The following XRN2 variants were observed in gnomAD, a reference collection of about 807,000 sequenced individuals.
XRN2 encodes the protein 5'-3' exoribonuclease 2, also known as DHM1-like protein.
A neutral mutation model predicts 138.5 loss-of-function variants in XRN2; 44 were observed. That is an observed-to-expected ratio of 0.32 (90% CI 0.25 to 0.41). The LOEUF is 0.41. Ranked by LOEUF, XRN2 falls within the 10% of genes least tolerant of loss-of-function variation. The pLI is 1.00. For missense variants in XRN2, 937 were observed against 1,169.3 expected, an observed-to-expected ratio of 0.80 and a Z score of 2.90; for synonymous variants, 354 against 369.4, an observed-to-expected ratio of 0.96 and a Z score of 0.48.
At chr20:21,387,045 A>G in intron 29 of XRN2, 39 bp downstream of exon 29, 5 of 1,573,202 alleles carry the variant, frequency 3.2e-6, no homozygotes, top group East Asian at 4.6e-5. Context: ...TGCTCACTTT[A>G]TATTTCAACA....
At chr20:21,366,323 A>G (rs897166567) in intron 26 of XRN2, among the ~76,000 whole-genome samples, 15 of 148,110 alleles carry the variant, frequency 1.0e-4, no homozygotes, top group African/African-American at 3.7e-4. Flanking sequence ...TGAGGCAGGC[A>G]GATCATGAGA....
At chr20:21,312,455 T>A (rs2037894990) in intron 1 of XRN2, among the ~76,000 whole-genome samples, 1 of 152,308 alleles carries the variant, frequency 6.6e-6, no homozygotes, top group African/African-American at 2.4e-5. Context: ...AACTCTTTAC[T>A]GATTCAGTCA....
At chr20:21,374,466 A>T (rs1451244269) in intron 27 of XRN2, among the ~76,000 whole-genome samples, 2 of 152,122 alleles carry the variant, frequency 1.3e-5, no homozygotes, top group Non-Finnish European at 1.5e-5. Context: ...TTCTGTGTAG[A>T]TAACCTTTAT....
intron 1 of XRN2, 32 bp from the exon 2 acceptor site, chr20:21,326,243 ACAAT>A: frequency 6.3e-7 from 1 of 1,599,958 alleles, no homozygotes; most frequent in South Asian, 1.1e-5. Flanking sequence ...TTAGACTTGA[ACAAT>A]CAAACTACTA....
At chr20:21,331,946 CA>C (rs1186868656) in intron 8 of XRN2, 128 bp downstream of exon 8, 4 of 996,572 alleles carry the variant, frequency 4.0e-6, no homozygotes, top group Non-Finnish European at 6.1e-6. Context: ...TTATGTTCGA[CA>C]GGGAACTAGT....
At chr20:21,347,307 G>A (rs1327346759) in intron 17 of XRN2, among the ~76,000 whole-genome samples, 4 of 152,186 alleles carry the variant, frequency 2.6e-5, no homozygotes, top group African/African-American at 9.6e-5. Flanking sequence ...CATTCTAATT[G>A]GAATAACCTG....
chr20:21,377,257 G>GTTTTTTTTTTTTTTTTTTTT (rs1166479171), intron 27 of XRN2, among the ~76,000 whole-genome samples: 8 of 30,318 alleles, frequency 2.6e-4, no homozygotes, highest in African/African-American at 1.1e-3. Flanking sequence ...TGATTTGTCG[G>GTTTTTTTTTTTTTTTTTTTT]TTTTTTCTTT....
In XRN2 at chr20:21,312,652, C is replaced by T. The variant is rs113910692; in HGVS notation, c.75+9179C>T. 5.8e-4 allele frequency among the ~76,000 whole-genome samples: 86 copies of T among 148,744 alleles called. 1 individual carries two copies. Among genetic ancestry groups the T allele is most frequent in the African/African-American group, 2.0e-3 (79 of 39,906 alleles). ...GAAGACAGAGTCTTGCTCTGTTGCC[C>T]AGGCTGGAGTGCAGTGGTGCAATCT... On this transcript the variant is annotated intron_variant, in intron 1 of 29. Coordinates refer to ENST00000377191, the MANE Select transcript of XRN2 (RefSeq NM_012255.5).
chr20:21,318,904 A>G (rs1161497968), intron 1 of XRN2, among the ~76,000 whole-genome samples: 2 of 152,096 alleles, frequency 1.3e-5, no homozygotes, highest in Non-Finnish European at 2.9e-5. Flanking sequence ...GTAATGTGCT[A>G]GAAATATCTG....
At chr20:21,350,281 A>C (rs1234010006) in intron 20 of XRN2, among the ~76,000 whole-genome samples, 3 of 152,130 alleles carry the variant, frequency 2.0e-5, no homozygotes, top group Admixed American at 6.5e-5. Context: ...AATCCCAGCA[A>C]TTTGGGAGGC....
At chr20:21,377,935 C>T (rs1201727913) in intron 27 of XRN2, among the ~76,000 whole-genome samples, 1 of 152,150 alleles carries the variant, frequency 6.6e-6, no homozygotes, top group Admixed American at 6.5e-5. Flanking sequence ...TCGAGAGCAC[C>T]TCTCCGCTCT....
intron 13 of XRN2, among the ~76,000 whole-genome samples, chr20:21,338,371 T>A (rs530381426): frequency 6.6e-6 from 1 of 152,212 alleles, no homozygotes; most frequent in African/African-American, 2.4e-5. Flanking sequence ...TGGAAATGAG[T>A]AGGGGGAAAG....
At chr20:21,303,665 G>C in intron 1 of XRN2, 192 bp downstream of exon 1, 5 of 1,334,220 alleles carry the variant, frequency 3.7e-6, no homozygotes, top group Non-Finnish European at 4.8e-6. Flanking sequence ...CGGGGGCGAG[G>C]AATTCAGGAC....
At chr20:21,322,594 GC>G (rs1164228526) in intron 1 of XRN2, among the ~76,000 whole-genome samples, 1 of 152,152 alleles carries the variant, frequency 6.6e-6, no homozygotes, top group Admixed American at 6.5e-5. Flanking sequence ...CATCTACTGA[GC>G]TATTGGTGGT....
In XRN2 at chr20:21,340,729, A is replaced by G; in HGVS notation, c.1287A>G (p.Gln429=). The change falls in exon 15 of 30, where the codon CAA becomes CAG. Residue 429 remains glutamine (Q), a synonymous_variant. Coordinates refer to ENST00000377191, the MANE Select transcript of XRN2 (RefSeq NM_012255.5). The part of the protein sequence containing the change: ...KEKRKRMKRD[Q]PAFTPSGILT... Reference sequence around the variant, plus strand: ...CATTCCATTTATGTTAGAGAGATCAACCAGCTTTCACTCCTAGTGGAATAT... The same window carrying G: ...CATTCCATTTATGTTAGAGAGATCAGCCAGCTTTCACTCCTAGTGGAATAT... 1.2e-6 allele frequency: 2 copies of G among 1,613,740 alleles called. No homozygotes were observed. The highest frequency in any genetic ancestry group is 1.3e-5 in the African/African-American group (1 of 75,014).
intron 27 of XRN2, among the ~76,000 whole-genome samples, chr20:21,380,288 T>G (rs2038869180): frequency 6.6e-6 from 1 of 152,218 alleles, no homozygotes; most frequent in Non-Finnish European, 1.5e-5. Context: ...CTCACTAAAC[T>G]AATTTTGTAC....
intron 4 of XRN2, among the ~76,000 whole-genome samples, chr20:21,330,128 CAAA>C (rs915223107): frequency 2.0e-5 from 3 of 151,980 alleles, no homozygotes; most frequent in Non-Finnish European, 4.4e-5. Flanking sequence ...ACTAAAAATA[CAAA>C]AATTAGCCAG....
At chr20:21,366,577 GA>G in intron 26 of XRN2, among the ~76,000 whole-genome samples, 1 of 150,750 alleles carries the variant, frequency 6.6e-6, no homozygotes, top group South Asian at 2.1e-4. Context: ...AAAAAAAAGG[GA>G]AAAAAAGAAA....
intron 13 of XRN2, among the ~76,000 whole-genome samples, chr20:21,336,340 T>TA (rs751946308): frequency 2.0e-4 from 30 of 152,144 alleles, no homozygotes; most frequent in Middle Eastern, 3.4e-3. Context: ...TGGGCGCCTA[T>TA]AATCCCAGCC....
Sources: allele counts gnomAD v4.1 joint callset (sites outside exome capture counted in the v4.1 genomes callset), GRCh38; gene constraint gnomAD v4.1.1; transcripts MANE v1.5; gene names NCBI Gene and HGNC (gene_info 2026-07-23, HGNC 2026-07-21).